The following ZNF618 variants were observed in gnomAD, a reference collection of about 807,000 sequenced individuals.
ZNF618 encodes zinc finger protein 618.
Under a neutral mutation model 103.0 loss-of-function variants are expected in ZNF618, and 34 were observed. The ratio of observed to expected loss-of-function variants is 0.33; its 90% CI spans 0.25 to 0.44. ZNF618 has a LOEUF of 0.44. Ranked by LOEUF, ZNF618 falls within the 20% of genes least tolerant of loss-of-function variation. ZNF618 has a pLI of 1.00. For missense variants in ZNF618, 1,059 were observed against 1,295.4 expected (o/e 0.82, Z 2.80); for synonymous variants, 551 against 542.2 (o/e 1.02, Z -0.23).
intron 2 of ZNF618, among the ~76,000 whole-genome samples, chr9:113,984,975 G>A (rs1011393241): frequency 2.0e-5 from 3 of 152,184 alleles, no homozygotes; most frequent in East Asian, 1.9e-4. Flanking sequence ...CAGCCCATGC[G>A]CTAAACACCT....
intron 1 of ZNF618, among the ~76,000 whole-genome samples, chr9:113,909,329 C>G (rs1483835353): frequency 6.6e-6 from 1 of 152,040 alleles, no homozygotes; most frequent in Non-Finnish European, 1.5e-5. Flanking sequence ...GTGTCCCTGT[C>G]CCCCTGGGTC....
In ZNF618 at chr9:113,951,508, T is replaced by C. The variant is rs1444798122; in HGVS notation, c.34-17609T>C. On this transcript the variant is annotated intron_variant, in intron 1 of 14. Transcript: ENST00000374126. ...ATATATGTGTGTATGTGTACACATA[T>C]ATGTGTGTATATGTACACATATGTG... 2.4e-5 allele frequency among the ~76,000 whole-genome samples: 3 copies of C among 124,312 alleles called. 1 individual carries two copies. The East Asian group carries it at 9.3e-4, about 38-fold the overall frequency. The allele number at this position is 124,312 out of a possible 152,430, so 81.6% of individuals were successfully genotyped here. A position where few individuals can be genotyped will look rare whatever the true frequency, so the allele number is the denominator to read the frequency against.
chr9:113,988,239 TG>T, intron 2 of ZNF618, 81 bp from the exon 3 acceptor site: 25 of 1,502,862 alleles, frequency 1.7e-5, no homozygotes, highest in Non-Finnish European at 2.2e-5. Context: ...CAGCCTGGCA[TG>T]TCCCTGTGGT....
In ZNF618 at chr9:114,049,821, G is replaced by C; in HGVS notation, c.2519G>C (p.Trp840Ser). Residue 840 changes from tryptophan to serine, a missense_variant, in exon 15 of 15, where the codon TGG (tryptophan) becomes TCG (serine). Trp to Ser is a radical substitution (Grantham distance 177). Around this residue, in one of 6 missense-constraint regions of ZNF618, gnomAD observed 156 missense variants for 197.1 expected, o/e 0.79. Coordinates refer to ENST00000374126, the MANE Select transcript of ZNF618 (RefSeq NM_001318042.2). Reference sequence around the variant, plus strand: ...CTCATCAACGAGGTGAAGGAGTCCTGGGCCGAGGAGGCCGACTTCGAGCCC... The same window carrying C: ...CTCATCAACGAGGTGAAGGAGTCCTCGGCCGAGGAGGCCGACTTCGAGCCC... ...CELINEVKESWAEEADFEPAA... is the reference protein window; with the variant it reads ...CELINEVKESSAEEADFEPAA... 1 of 1,613,966 alleles carries C rather than the reference G, an allele frequency of 6.2e-7. No homozygotes were observed. Among genetic ancestry groups the C allele is most frequent in the Non-Finnish European group, 8.5e-7 (1 of 1,179,904 alleles).
chr9:114,044,148 T>A (rs572841121), intron 13 of ZNF618, among the ~76,000 whole-genome samples: 2 of 152,294 alleles, frequency 1.3e-5, no homozygotes, highest in African/African-American at 4.8e-5. Flanking sequence ...GTTTTTCTGA[T>A]GTTATCTTCT....
intron 1 of ZNF618, among the ~76,000 whole-genome samples, chr9:113,964,620 G>A (rs1026044181): frequency 5.3e-5 from 8 of 151,816 alleles, no homozygotes; most frequent in Admixed American, 2.6e-4. Context: ...AACACACAGC[G>A]GTTCCCCACG....
At chr9:113,971,697 C>A (rs549279042) in intron 2 of ZNF618, among the ~76,000 whole-genome samples, 4 of 152,172 alleles carry the variant, frequency 2.6e-5, no homozygotes, top group Non-Finnish European at 5.9e-5. Context: ...GCAGGTTTTC[C>A]CACGGTGGCT....
At chr9:113,950,150 A>G (rs1374504248) in intron 1 of ZNF618, among the ~76,000 whole-genome samples, 1 of 152,198 alleles carries the variant, frequency 6.6e-6, no homozygotes. Flanking sequence ...AGCAGCGGTT[A>G]TGGTTTCCAG....
At chr9:114,032,599 T>C (rs1844182910) in intron 11 of ZNF618, 46 bp from the exon 12 acceptor site, 64 of 1,586,406 alleles carry the variant, frequency 4.0e-5, no homozygotes, top group Non-Finnish European at 5.3e-5. Flanking sequence ...GACCTAGTGC[T>C]GACCAATCAC....
At chr9:113,970,931 G>C (rs959564518) in intron 2 of ZNF618, among the ~76,000 whole-genome samples, 2 of 145,010 alleles carry the variant, frequency 1.4e-5, no homozygotes, top group African/African-American at 5.2e-5. Context: ...CAGGCTCTCA[G>C]TACGTGTTTA....
At chr9:114,013,458 T>A (rs1006989620) in intron 9 of ZNF618, among the ~76,000 whole-genome samples, 2 of 152,066 alleles carry the variant, frequency 1.3e-5, no homozygotes, top group African/African-American at 4.8e-5. Context: ...TGAGACAGAG[T>A]CTCACTCTGT....
chr9:113,958,782 A>G (rs1467362726), intron 1 of ZNF618, among the ~76,000 whole-genome samples: 1 of 152,076 alleles, frequency 6.6e-6, no homozygotes, highest in Non-Finnish European at 1.5e-5. Flanking sequence ...GCCTTGCCTT[A>G]GCTCAGACCT....
chr9:113,917,551 G>T (rs1832243989), intron 1 of ZNF618, among the ~76,000 whole-genome samples: 1 of 152,010 alleles, frequency 6.6e-6, no homozygotes, highest in South Asian at 2.1e-4. Context: ...ACCGTGTCTG[G>T]CAAGCCTTCT....
chr9:113,966,709 A>G (rs1424993465), intron 1 of ZNF618, among the ~76,000 whole-genome samples: 1 of 152,112 alleles, frequency 6.6e-6, no homozygotes, highest in Non-Finnish European at 1.5e-5. Context: ...GACATCTCCC[A>G]CTGAATCCAT....
chr9:113,933,398 G>A (rs1006491416), intron 1 of ZNF618, among the ~76,000 whole-genome samples: 4 of 152,162 alleles, frequency 2.6e-5, no homozygotes, highest in Non-Finnish European at 5.9e-5. Context: ...CAGTGACCTC[G>A]GGTCCAAGCC....
intron 1 of ZNF618, among the ~76,000 whole-genome samples, chr9:113,876,859 T>G (rs1828000953): frequency 7.1e-6 from 1 of 140,752 alleles, no homozygotes; most frequent in Admixed American, 7.3e-5. Context: ...AGGTCCCCCA[T>G]TTTTGCAACA....
At chr9:113,920,553 C>T (rs1832548480) in intron 1 of ZNF618, among the ~76,000 whole-genome samples, 1 of 152,080 alleles carries the variant, frequency 6.6e-6, no homozygotes, top group Non-Finnish European at 1.5e-5. Context: ...AGGCGCCCGC[C>T]ACCATGCCTG....
At chr9:113,916,294 G>T (rs2131552854) in intron 1 of ZNF618, among the ~76,000 whole-genome samples, 1 of 152,230 alleles carries the variant, frequency 6.6e-6, no homozygotes, top group African/African-American at 2.4e-5. Context: ...CCCAGAAAAC[G>T]AAACAAGCTG....
At chr9:113,910,463 CTTA>C (rs976463667) in intron 1 of ZNF618, among the ~76,000 whole-genome samples, 6 of 152,172 alleles carry the variant, frequency 3.9e-5, no homozygotes, top group African/African-American at 1.2e-4. Context: ...GAAACAGTGA[CTTA>C]TTATTGGCCT....
Sources: gnomAD v4.1 joint callset for allele counts (sites outside exome capture counted in the v4.1 genomes callset) on GRCh38, gnomAD v4.1.1 for gene constraint, gnomAD v4.1.1 regional missense constraint, MANE v1.5 for transcripts, NCBI Gene and HGNC (gene_info 2026-07-23, HGNC 2026-07-21) for gene names.